The following POR variants were observed in gnomAD, a reference collection of about 807,000 sequenced individuals.
The protein encoded by POR is NADPH--cytochrome P450 reductase.
In POR, 56 loss-of-function variants were observed where a neutral mutation model predicts 84.0. That is an observed-to-expected ratio of 0.67 (90% CI 0.54 to 0.83). POR has a LOEUF of 0.83. Among genes scored for constraint, POR ranks in the 40% least tolerant of loss-of-function variants. POR has a pLI of 0.00. For missense variants in POR, 938 were observed against 944.3 expected (o/e 0.99, Z 0.09); for synonymous variants, 414 against 400.5 (o/e 1.03, Z -0.40).
At chr7:75,917,930 A>G (rs782589979) in intron 1 of POR, among the ~76,000 whole-genome samples, 6 of 152,154 alleles carry the variant, frequency 3.9e-5, no homozygotes, top group African/African-American at 7.2e-5. Flanking sequence ...TTGGGAGACC[A>G]AGGTGGGTGA....
Position 75,986,567 on chromosome 7 carries a change from G to GCTTGGC in POR, c.*93_*98dup, listed in dbSNP as rs566389712. ...TCCCGTAGTCTCCTGGGTGTGTTTG[G>GCTTGGC]CTTGGCCTTGGCATGGGCGCAGGCC... On this transcript the variant is annotated 3_prime_UTR_variant, in exon 16 of 16. Coordinates refer to ENST00000461988, the MANE Select transcript of POR (RefSeq NM_000941.3). 3.1e-3 allele frequency: 4,612 copies of GCTTGGC among 1,508,280 alleles called. 18 individuals carry two copies. The highest frequency in any genetic ancestry group is 3.8e-3 in the Non-Finnish European group (4,289 of 1,125,038). The allele number at this position is 1,508,280 out of a possible 1,614,324, so 93.4% of individuals were successfully genotyped here.
rs371758475 is a variant in POR, at chr7:75,954,103, C to G, written c.111C>G (p.Ile37Met). The G allele has an allele frequency of 2.2e-5, 35 of 1,613,150 alleles. No homozygotes were observed. Among genetic ancestry groups the G allele is most frequent in the Non-Finnish European group, 2.9e-5 (34 of 1,179,586 alleles). Reference sequence around the variant, plus strand: ...CGGACATGATTCTGTTTTCGCTCATCGTGGGTCTCCTAACCTACTGGTTCC... The same window carrying G: ...CGGACATGATTCTGTTTTCGCTCATGGTGGGTCTCCTAACCTACTGGTTCC... Residue 37 changes from isoleucine (I) to methionine (M), a missense_variant, in exon 2 of 16, where the codon ATC (isoleucine) becomes ATG (methionine). By Grantham distance (10) the Ile-to-Met change is conservative. Coordinates refer to ENST00000461988, the MANE Select transcript of POR (RefSeq NM_000941.3).
intron 1 of POR, among the ~76,000 whole-genome samples, chr7:75,924,243 A>T (rs1807009654): frequency 6.6e-6 from 1 of 152,238 alleles, no homozygotes; most frequent in South Asian, 2.1e-4. Context: ...GCAAAAAAAA[A>T]GAAAAGAAAA....
In POR at chr7:75,979,694, C is replaced by T. The variant is rs893813133; in HGVS notation, c.366+115C>T. The T allele has an allele frequency of 6.1e-5, 88 of 1,437,560 alleles. No individual in the cohort carries two copies. In the African/African-American group the frequency reaches 9.2e-4, roughly 15 times the overall value. 89.1% of individuals were successfully genotyped at this position (1,437,560 alleles called of 1,614,324 possible). A position where few individuals can be genotyped will look rare whatever the true frequency, so the allele number is the denominator to read the frequency against. ...GGCAGGGAGTGGGGTCCTGGGAAGA[C>T]GTCCTCGGAAGTTGCCTTCCCGTGA... is the stretch of plus-strand genomic sequence containing the variant. On this transcript the variant is annotated intron_variant, in intron 4 of 15. Coordinates refer to ENST00000461988, the MANE Select transcript of POR (RefSeq NM_000941.3).
At chr7:75,921,006 C>G (rs186544954) in intron 1 of POR, among the ~76,000 whole-genome samples, 355 of 152,246 alleles carry the variant, frequency 2.3e-3, no homozygotes, top group Non-Finnish European at 3.0e-3. Context: ...GCTCATGAAA[C>G]CACACAGTCT....
At chr7:75,951,958 G>T (rs888756900) in intron 1 of POR, among the ~76,000 whole-genome samples, 1 of 149,900 alleles carries the variant, frequency 6.7e-6, no homozygotes, top group Admixed American at 6.6e-5. Flanking sequence ...CTGGCCGGGC[G>T]GGGGGCTGAC....
chr7:75,943,157 T>C (rs1787019317), intron 1 of POR, among the ~76,000 whole-genome samples: 1 of 152,160 alleles, frequency 6.6e-6, no homozygotes, highest in South Asian at 2.1e-4. Flanking sequence ...TTCACCGTGT[T>C]AGCCAGGATG....
intron 1 of POR, among the ~76,000 whole-genome samples, chr7:75,950,842 G>A (rs923720103): frequency 1.4e-5 from 2 of 144,856 alleles, no homozygotes; most frequent in Non-Finnish European, 3.0e-5. Flanking sequence ...GCAGGATCAC[G>A]AGGTCAGGAG....
chr7:75,970,487 G>A (rs1788382095), intron 2 of POR, among the ~76,000 whole-genome samples: 1 of 151,852 alleles, frequency 6.6e-6, no homozygotes, highest in Non-Finnish European at 1.5e-5. Context: ...TGGGACCACA[G>A]GCACAGACCA....
At chr7:75,950,096 T>A (rs1460627146) in intron 1 of POR, among the ~76,000 whole-genome samples, 1 of 149,448 alleles carries the variant, frequency 6.7e-6, no homozygotes, top group Admixed American at 6.7e-5. Flanking sequence ...GGTCTCGATC[T>A]CCTGACCTCG....
At position 75,985,979 on chromosome 7, in the gene POR, T is replaced by C. The variant is rs1789426680; in HGVS notation, c.1726T>C (p.Tyr576His). The C allele has an allele frequency of 4.4e-6, 7 of 1,583,844 alleles. No homozygotes were observed. Among genetic ancestry groups the C allele is most frequent in the Non-Finnish European group, 4.3e-6 (5 of 1,166,334 alleles). The change falls in exon 14 of 16, where the codon TAC (tyrosine) becomes CAC (histidine). Residue 576 changes from tyrosine to histidine, a missense_variant. By Grantham distance (83) the Tyr-to-His change is moderately conservative (BLOSUM62 2). Transcript: ENST00000461988. Reference sequence around the variant, plus strand: ...CGGCTGCCGCCGCTCGGATGAGGACTACCTGTACCGGGAGGAGCTGGCGCA... The same window carrying C: ...CGGCTGCCGCCGCTCGGATGAGGACCACCTGTACCGGGAGGAGCTGGCGCA...
intron 1 of POR, among the ~76,000 whole-genome samples, chr7:75,922,556 T>C (rs1251046893): frequency 2.6e-5 from 4 of 152,176 alleles, no homozygotes; most frequent in African/African-American, 9.7e-5. Flanking sequence ...ATGCCTGACC[T>C]GAAGCAGTCT....
At chr7:75,971,778 A>C (rs1394321970) in intron 2 of POR, among the ~76,000 whole-genome samples, 1 of 152,092 alleles carries the variant, frequency 6.6e-6, no homozygotes, top group Non-Finnish European at 1.5e-5. Flanking sequence ...GGACTGTGGC[A>C]GGAAGGCTCT....
intron 3 of POR, among the ~76,000 whole-genome samples, chr7:75,974,927 T>C (rs1229844079): frequency 6.7e-6 from 1 of 149,334 alleles, no homozygotes; most frequent in Non-Finnish European, 1.5e-5. Context: ...ATGAATCTCT[T>C]GTCTGTGATA....
intron 1 of POR, among the ~76,000 whole-genome samples, chr7:75,927,615 C>T (rs1372834706): frequency 6.6e-6 from 1 of 151,704 alleles, no homozygotes; most frequent in Non-Finnish European, 1.5e-5. Flanking sequence ...TAGTGAAAAC[C>T]ACTGAATTTT....
chr7:75,959,772 CAAAA>C (rs1156938756), intron 2 of POR, among the ~76,000 whole-genome samples: 32 of 152,214 alleles, frequency 2.1e-4, no homozygotes, highest in African/African-American at 7.0e-4. Context: ...ATTTTTAAAA[CAAAA>C]AACCCAGTGG....
chr7:75,966,732 C>T (rs1351745074), intron 2 of POR, among the ~76,000 whole-genome samples: 1 of 152,222 alleles, frequency 6.6e-6, no homozygotes, highest in Non-Finnish European at 1.5e-5. Context: ...ATGAACCGCA[C>T]ATCTCGGTTC....
At chr7:75,985,010 G>A (rs782182332) in intron 11 of POR, 48 bp from the exon 12 acceptor site, 11 of 1,577,250 alleles carry the variant, frequency 7.0e-6, no homozygotes, top group South Asian at 2.2e-5. Flanking sequence ...GCCGTTTTCC[G>A]AGCTCCGTGG....
chr7:75,926,906 T>G (rs2116243030), intron 1 of POR, among the ~76,000 whole-genome samples: 1 of 152,294 alleles, frequency 6.6e-6, no homozygotes, highest in Non-Finnish European at 1.5e-5. Context: ...CAATCCTGTG[T>G]CCTTCTGCAG....
Sources: allele counts gnomAD v4.1 joint callset (sites outside exome capture counted in the v4.1 genomes callset), GRCh38; gene constraint gnomAD v4.1.1; transcripts MANE v1.5; gene names NCBI Gene and HGNC (gene_info 2026-07-23, HGNC 2026-07-21).